Variants in GALNT14 observed in about 807,000 individuals in gnomAD.
GALNT14 encodes the protein polypeptide N-acetylgalactosaminyltransferase 14, also known as UDP-GalNAc:polypeptide N-acetylgalactosaminyltransferase 14.
GALNT14 carries 60 observed loss-of-function variants against 77.5 expected under a neutral mutation model. That is an observed-to-expected ratio of 0.77 (90% confidence interval 0.63 to 0.96). The LOEUF is 0.96. GALNT14 is among the 40% of genes least tolerant of loss of function. The pLI is 0.00. For synonymous variants in GALNT14, 280 were observed against 281.7 expected (o/e 0.99, Z 0.06); for missense variants, 710 against 731.0 (o/e 0.97, Z 0.33).
Position 30,944,858 on chromosome 2 carries a change from C to T in GALNT14, c.827G>A (p.Arg276Lys). The change falls in exon 8 of 15, where the codon AGG becomes AAG. Residue 276 changes from arginine to lysine, a missense_variant and splice_region_variant. Arg to Lys is a conservative substitution (Grantham distance 26, BLOSUM62 2). Transcript: ENST00000349752. Reference protein sequence around the residue: ...ARRLDPTEPIRTPIIAGGLFV... With the variant: ...ARRLDPTEPIKTPIIAGGLFV... ...CCCTGCACAGACTCTTCCCACTTAC[C>T]TGATGGGCTCCGTGGGGTCCAGGCG... 2 of 1,603,396 alleles carry T rather than the reference C, an allele frequency of 1.2e-6. No individual in the cohort carries two copies. Among genetic ancestry groups the T allele is most frequent in the Non-Finnish European group, 1.7e-6 (2 of 1,173,124 alleles).
At chr2:31,029,109 C>T (rs185695997) in intron 1 of GALNT14, among the ~76,000 whole-genome samples, 2 of 152,220 alleles carry the variant, frequency 1.3e-5, no homozygotes, top group Admixed American at 1.3e-4. Flanking sequence ...AGAAAATTGG[C>T]CCAGAAGACA....
At chr2:30,926,864 G>T (rs1179086440) in intron 11 of GALNT14, among the ~76,000 whole-genome samples, 1 of 152,174 alleles carries the variant, frequency 6.6e-6, no homozygotes, top group Non-Finnish European at 1.5e-5. Context: ...CCAGGAGAAA[G>T]GAGGGGAGTG....
intron 1 of GALNT14, among the ~76,000 whole-genome samples, chr2:31,135,444 T>C (rs935403310): frequency 2.6e-5 from 4 of 152,158 alleles, no homozygotes; most frequent in African/African-American, 9.6e-5. Flanking sequence ...TCTTCCTCTC[T>C]TCTCAGGTAC....
At chr2:30,904,222 T>G in the GALNT14 span, among the ~76,000 whole-genome samples, 1 of 152,124 alleles carries the variant, frequency 6.6e-6, no homozygotes, top group Admixed American at 6.5e-5. Context: ...GATGGCCGAA[T>G]AGGAACAGCT....
At chr2:31,120,638 C>T (rs1327547812) in intron 1 of GALNT14, among the ~76,000 whole-genome samples, 1 of 152,186 alleles carries the variant, frequency 6.6e-6, no homozygotes, top group African/African-American at 2.4e-5. Context: ...CTCACTGCAA[C>T]CTCTGCCTCC....
intron 1 of GALNT14, among the ~76,000 whole-genome samples, chr2:31,035,639 A>C (rs1210766097): frequency 6.8e-6 from 1 of 146,988 alleles, no homozygotes; most frequent in Non-Finnish European, 1.5e-5. Context: ...ACACACACAC[A>C]CACACACACA....
rs1220499474 is a variant in GALNT14 at position 30,998,453 on chromosome 2, TC to T, written c.130-5447del. On this transcript the variant is annotated intron_variant, in intron 1 of 14. Transcript: ENST00000349752. ...CCTGAGCTTGGTACTACTAGTTCTCTCTTACTGTCCCAATTGTCTTCTTTTT... is the reference window on the plus strand; with the variant it reads ...CCTGAGCTTGGTACTACTAGTTCTCTTTACTGTCCCAATTGTCTTCTTTTT... Among the ~76,000 whole-genome samples, 6 of 152,284 alleles carry T rather than the reference TC, an allele frequency of 3.9e-5. No individual in the cohort carries two copies. In the East Asian group the frequency reaches 1.2e-3, roughly 29 times the overall value.
chr2:31,135,252 G>T (rs1016719011), intron 1 of GALNT14, among the ~76,000 whole-genome samples: 1 of 152,172 alleles, frequency 6.6e-6, no homozygotes, highest in African/African-American at 2.4e-5. Flanking sequence ...AACTCACAGA[G>T]GCATAATCTC....
intron 1 of GALNT14, among the ~76,000 whole-genome samples, chr2:31,085,234 C>T (rs994744782): frequency 3.9e-5 from 6 of 152,210 alleles, no homozygotes. Flanking sequence ...CCATGCCCCA[C>T]TCCCTCATCT....
intron 1 of GALNT14, among the ~76,000 whole-genome samples, chr2:30,999,980 CAT>C (rs1421916628): frequency 6.6e-6 from 1 of 152,222 alleles, no homozygotes; most frequent in Non-Finnish European, 1.5e-5. Context: ...TGGAGCCACA[CAT>C]GTTTTGCTGG....
Position 30,992,863 on chromosome 2 carries a change from C to T in GALNT14, c.274G>A (p.Ala92Thr). The stretch of plus-strand genomic sequence containing the variant: ...CTCAGATGGCGAGTGTCCGGGATGG[C>T]CCGATTGCTGGAGATCCGCTCACTC... ...RESERISSNR[A>T]IPDTRHLRCT... The change falls in exon 2 of 15, where the codon GCC (alanine) becomes ACC (threonine). Residue 92 changes from alanine to threonine, a missense_variant. Transcript: ENST00000349752. The T allele has an allele frequency of 6.2e-7, 1 of 1,614,042 alleles. No individual in the cohort carries two copies. Among genetic ancestry groups the T allele is most frequent in the Non-Finnish European group, 8.5e-7 (1 of 1,179,924 alleles).
intron 1 of GALNT14, among the ~76,000 whole-genome samples, chr2:31,057,555 C>A (rs1362362841): frequency 6.6e-6 from 1 of 151,620 alleles, no homozygotes; most frequent in African/African-American, 2.4e-5. Flanking sequence ...ACATGAAAGG[C>A]AACAGCCCTT....
chr2:31,104,326 T>G (rs1677440466), intron 1 of GALNT14, among the ~76,000 whole-genome samples: 2 of 152,158 alleles, frequency 1.3e-5, no homozygotes, highest in African/African-American at 4.8e-5. Flanking sequence ...TTGCTATATT[T>G]TCCCCATTTT....
intron 1 of GALNT14, chr2:31,125,129 T>A (rs1678640017): frequency 4.0e-6 from 6 of 1,508,862 alleles, no homozygotes; most frequent in African/African-American, 1.4e-5. Flanking sequence ...CACCTCACAC[T>A]CCTGGGGACA....
intron 2 of GALNT14, among the ~76,000 whole-genome samples, chr2:30,976,411 T>G (rs898519872): frequency 6.6e-6 from 1 of 152,192 alleles, no homozygotes; most frequent in Non-Finnish European, 1.5e-5. Context: ...ATCTTGATCT[T>G]TTACATTGCC....
At chr2:30,958,545 C>T in intron 3 of GALNT14, 81 bp from the exon 4 acceptor site, 1 of 1,064,052 alleles carries the variant, frequency 9.4e-7, no homozygotes, top group Non-Finnish European at 1.4e-6. Context: ...AAATAGATAC[C>T]ATTGCATTTA....
chr2:31,076,567 T>C (rs1675800262), intron 1 of GALNT14, among the ~76,000 whole-genome samples: 1 of 151,450 alleles, frequency 6.6e-6, no homozygotes, highest in Non-Finnish European at 1.5e-5. Flanking sequence ...TCCTATTTAA[T>C]TCCTATTGCA....
At chr2:31,000,155 A>G (rs186495083) in intron 1 of GALNT14, among the ~76,000 whole-genome samples, 6 of 152,244 alleles carry the variant, frequency 3.9e-5, no homozygotes, top group Admixed American at 1.3e-4. Context: ...GGCTGTTTGA[A>G]TATGTAGATC....
chr2:30,984,658 C>T lies in GALNT14; in HGVS notation c.299+8180G>A, dbSNP rs79506283. ...CTGGCTCTTCTATCTCCTGATATTT[C>T]CTTATGCTCTTCCCTCAACTTGAAA... is the stretch of plus-strand genomic sequence containing the variant. On this transcript the variant is annotated intron_variant, in intron 2 of 14. Coordinates refer to ENST00000349752, the MANE Select transcript of GALNT14 (RefSeq NM_024572.4). Among the ~76,000 whole-genome samples, 140 of 152,272 alleles carry T rather than the reference C, an allele frequency of 9.2e-4. 1 individual carries two copies. In the East Asian group the frequency reaches 0.026, roughly 28 times the overall value.
Sources: gnomAD v4.1 joint callset for allele counts (sites outside exome capture counted in the v4.1 genomes callset) on GRCh38, gnomAD v4.1.1 for gene constraint, MANE v1.5 for transcripts, NCBI Gene and HGNC (gene_info 2026-07-23, HGNC 2026-07-21) for gene names.